GRM8: variants seen among roughly 807,000 people sequenced by gnomAD.
GRM8 encodes the protein metabotropic glutamate receptor 8.
A neutral mutation model predicts 87.2 loss-of-function variants in GRM8; 47 were observed. The observed-to-expected ratio is 0.54, with a 90% CI of 0.43 to 0.69. GRM8 has a LOEUF of 0.69. Among genes scored for constraint, GRM8 ranks in the 30% least tolerant of loss-of-function variants. GRM8 has a pLI of 0.00. For missense variants in GRM8, 1,019 were observed against 1,139.2 expected (o/e 0.89, Z 1.52); for synonymous variants, 396 against 404.5 (o/e 0.98, Z 0.25).
intron 2 of GRM8, among the ~76,000 whole-genome samples, chr7:127,128,430 C>G (rs1827495729): frequency 6.6e-6 from 1 of 152,102 alleles, no homozygotes; most frequent in Admixed American, 6.6e-5. Flanking sequence ...ATTTATACCA[C>G]TGTTTCCATA....
intron 9 of GRM8, among the ~76,000 whole-genome samples, chr7:126,523,044 A>C (rs898587835): frequency 2.0e-5 from 3 of 152,232 alleles, no homozygotes; most frequent in African/African-American, 7.2e-5. Flanking sequence ...GGCCATTGAA[A>C]AGTATTTATT....
chr7:126,793,012 CTT>C, intron 6 of GRM8, among the ~76,000 whole-genome samples: 1 of 152,188 alleles, frequency 6.6e-6, no homozygotes, highest in East Asian at 1.9e-4. Context: ...GCAGAACACT[CTT>C]TTATGTTTGT....
chr7:127,214,477 C>A (rs1203232909), intron 2 of GRM8, among the ~76,000 whole-genome samples: 5 of 152,126 alleles, frequency 3.3e-5, no homozygotes, highest in Admixed American at 2.0e-4. Context: ...AAAGAACGAC[C>A]TGAGAGAGGG....
At chr7:126,495,152 G>GA (rs1808551515) in intron 9 of GRM8, among the ~76,000 whole-genome samples, 1 of 151,832 alleles carries the variant, frequency 6.6e-6, no homozygotes, top group Admixed American at 6.6e-5. Flanking sequence ...AAGAGGTCAG[G>GA]AAAAAAATAA....
chr7:127,159,600 A>T (rs1271222643), intron 2 of GRM8, among the ~76,000 whole-genome samples: 1 of 152,184 alleles, frequency 6.6e-6, no homozygotes, highest in Non-Finnish European at 1.5e-5. Flanking sequence ...CTGAAAGTTG[A>T]ACTTTAAAAA....
At chr7:126,559,458 C>T (rs1407908572) in intron 8 of GRM8, among the ~76,000 whole-genome samples, 1 of 152,188 alleles carries the variant, frequency 6.6e-6, no homozygotes, top group Non-Finnish European at 1.5e-5. Context: ...CAGGCATACG[C>T]CACCACACTG....
chr7:126,535,424 C>G (rs1373153290), intron 8 of GRM8, among the ~76,000 whole-genome samples: 1 of 152,154 alleles, frequency 6.6e-6, no homozygotes, highest in African/African-American at 2.4e-5. Context: ...GGAAAGAATT[C>G]AAGGGCAAGC....
intron 7 of GRM8, among the ~76,000 whole-genome samples, chr7:126,736,303 C>G (rs576635041): frequency 6.6e-6 from 1 of 152,126 alleles, no homozygotes; most frequent in African/African-American, 2.4e-5. Context: ...AATTCTTAAG[C>G]CATTTTTATT....
intron 2 of GRM8, among the ~76,000 whole-genome samples, chr7:127,128,065 G>A (rs1215908495): frequency 1.3e-5 from 2 of 151,830 alleles, no homozygotes; most frequent in East Asian, 1.9e-4. Flanking sequence ...GCACTCTCAT[G>A]GCCTTCCAAT....
intron 3 of GRM8, among the ~76,000 whole-genome samples, chr7:127,005,426 G>A (rs1586730000): frequency 6.6e-6 from 1 of 151,566 alleles, no homozygotes; most frequent in Non-Finnish European, 1.5e-5. Context: ...TCTTTTTAGG[G>A]TAGAAGTACT....
intron 9 of GRM8, among the ~76,000 whole-genome samples, chr7:126,513,600 G>T (rs1452173936): frequency 6.6e-6 from 1 of 152,082 alleles, no homozygotes. Flanking sequence ...ACTTCCGGTT[G>T]CTCTACTGTC....
chr7:126,793,814 G>A (rs957107889), intron 6 of GRM8, among the ~76,000 whole-genome samples: 9 of 152,164 alleles, frequency 5.9e-5, no homozygotes, highest in African/African-American at 1.7e-4. Context: ...ATATTTGAAG[G>A]AAATTGGAAC....
intron 7 of GRM8, among the ~76,000 whole-genome samples, chr7:126,693,598 A>G (rs1423425807): frequency 6.6e-6 from 1 of 152,174 alleles, no homozygotes; most frequent in African/African-American, 2.4e-5. Context: ...TAACATAAAA[A>G]GCTTTTAAAA....
At chr7:126,644,876 C>T (rs1220416709) in intron 7 of GRM8, among the ~76,000 whole-genome samples, 1 of 152,200 alleles carries the variant, frequency 6.6e-6, no homozygotes, top group Admixed American at 6.5e-5. Flanking sequence ...TCTCCCTGTT[C>T]TGAGTTCTGT....
At chr7:127,108,070 T>C (rs1261845939) in intron 2 of GRM8, among the ~76,000 whole-genome samples, 1 of 152,208 alleles carries the variant, frequency 6.6e-6, no homozygotes, top group East Asian at 1.9e-4. Flanking sequence ...TGTTAACTTA[T>C]TTGTTAACAC....
At chr7:126,443,185 T>A (rs1174781467) in intron 10 of GRM8, among the ~76,000 whole-genome samples, 1 of 151,112 alleles carries the variant, frequency 6.6e-6, no homozygotes, top group Non-Finnish European at 1.5e-5. Context: ...TAAAGAATAC[T>A]ATGTACAGCA....
intron 7 of GRM8, among the ~76,000 whole-genome samples, chr7:126,733,234 G>A (rs565826912): frequency 4.6e-5 from 7 of 151,866 alleles, no homozygotes; most frequent in Admixed American, 2.0e-4. Context: ...AACTATTAAA[G>A]GACATTTTAA....
chr7:126,657,466 A>G lies in GRM8; in HGVS notation c.1358-47968T>C, dbSNP rs980024237. 2.0e-5 allele frequency among the ~76,000 whole-genome samples: 3 copies of G among 152,336 alleles called. No individual in the cohort carries two copies. The East Asian group carries it at 5.8e-4, about 29-fold the overall frequency. ...ATTCCAATTTACAAACAAGATAACA[A>G]TTACACAGCATTAGTAAACCAAATA... On this transcript the variant is annotated intron_variant, in intron 7 of 10. Transcript: ENST00000339582.
chr7:126,812,769 C>A (rs940983800), intron 6 of GRM8, among the ~76,000 whole-genome samples: 2 of 151,966 alleles, frequency 1.3e-5, no homozygotes, highest in African/African-American at 4.8e-5. Context: ...AGCTTACAAT[C>A]TAACAAAACC....
Sources: allele counts gnomAD v4.1 joint callset (sites outside exome capture counted in the v4.1 genomes callset), GRCh38; gene constraint gnomAD v4.1.1; transcripts MANE v1.5; gene names NCBI Gene and HGNC (gene_info 2026-07-23, HGNC 2026-07-21).